IMMP2L: variants seen among roughly 807,000 people sequenced by gnomAD.
IMMP2L encodes the protein inner mitochondrial membrane peptidase subunit 2.
Under a neutral mutation model 19.3 loss-of-function variants are expected in IMMP2L, and 18 were observed. The ratio of observed to expected loss-of-function variants is 0.93; its 90% CI spans 0.64 to 1.38. The LOEUF is 1.38. Among genes scored for constraint, IMMP2L ranks in the 40% most tolerant of loss-of-function variants. The pLI is 0.00. For synonymous variants in IMMP2L, 76 were observed against 73.0 expected (o/e 1.04, Z -0.21); for missense variants, 233 against 218.2 (o/e 1.07, Z -0.43).
At chr7:111,149,491 T>G (rs569127323) in intron 3 of IMMP2L, among the ~76,000 whole-genome samples, 25 of 152,290 alleles carry the variant, frequency 1.6e-4, no homozygotes, top group African/African-American at 5.1e-4. Context: ...ACTGGAAGTC[T>G]TACAGATAAC....
intron 3 of IMMP2L, among the ~76,000 whole-genome samples, chr7:111,042,622 T>C (rs987658239): frequency 3.9e-5 from 6 of 152,202 alleles, no homozygotes; most frequent in East Asian, 1.9e-4. Flanking sequence ...GAAGCAGGGA[T>C]ATAGAGCAGG....
intron 3 of IMMP2L, among the ~76,000 whole-genome samples, chr7:111,203,002 C>T (rs1393868869): frequency 1.3e-5 from 2 of 152,138 alleles, no homozygotes; most frequent in South Asian, 2.1e-4. Context: ...GGGAAGTAAT[C>T]TACCCTCTGT....
chr7:110,892,326 A>T (rs765979629), intron 4 of IMMP2L, among the ~76,000 whole-genome samples: 9 of 152,122 alleles, frequency 5.9e-5, no homozygotes, highest in Non-Finnish European at 1.2e-4. Flanking sequence ...GTCTCAGGCC[A>T]TTGTATGTTC....
intron 1 of IMMP2L, among the ~76,000 whole-genome samples, chr7:111,542,429 C>T (rs1848578359): frequency 6.6e-6 from 1 of 152,028 alleles, no homozygotes; most frequent in South Asian, 2.1e-4. Context: ...TTTTTATCCC[C>T]ATTTTAAAAG....
intron 3 of IMMP2L, among the ~76,000 whole-genome samples, chr7:111,345,002 G>A (rs1048396829): frequency 5.9e-5 from 9 of 151,960 alleles, no homozygotes; most frequent in Non-Finnish European, 1.0e-4. Flanking sequence ...GACTCAACTC[G>A]GGTATAACAG....
chr7:110,891,771 T>C (rs1810824351), intron 4 of IMMP2L, among the ~76,000 whole-genome samples: 1 of 152,050 alleles, frequency 6.6e-6, no homozygotes, highest in Admixed American at 6.6e-5. Context: ...AAAAGCAAAT[T>C]ACCATGAGTT....
At chr7:111,316,023 C>T (rs1006087938) in intron 3 of IMMP2L, among the ~76,000 whole-genome samples, 8 of 152,126 alleles carry the variant, frequency 5.3e-5, no homozygotes, top group Non-Finnish European at 1.0e-4. Flanking sequence ...TAGCTTATGG[C>T]TCCTAGACTA....
chr7:111,330,003 G>T (rs551748171), intron 3 of IMMP2L, among the ~76,000 whole-genome samples: 1 of 151,750 alleles, frequency 6.6e-6, no homozygotes, highest in African/African-American at 2.4e-5. Context: ...CAAAACAGAA[G>T]AAAACCATAA....
At chr7:111,088,769 G>T (rs1348886079) in intron 3 of IMMP2L, among the ~76,000 whole-genome samples, 1 of 152,048 alleles carries the variant, frequency 6.6e-6, no homozygotes, top group African/African-American at 2.4e-5. Context: ...ATTTTTTCAT[G>T]TATCTTTGGA....
At chr7:111,504,501 C>G (rs1180115243) in intron 2 of IMMP2L, among the ~76,000 whole-genome samples, 1 of 151,988 alleles carries the variant, frequency 6.6e-6, no homozygotes, top group Non-Finnish European at 1.5e-5. Flanking sequence ...CAAAAAAGAG[C>G]CTGCATCACC....
chr7:111,063,163 T>C (rs984684821), intron 3 of IMMP2L, among the ~76,000 whole-genome samples: 3 of 152,214 alleles, frequency 2.0e-5, no homozygotes, highest in Non-Finnish European at 4.4e-5. Context: ...CTCTGAAATC[T>C]AAGCAGAGGT....
intron 3 of IMMP2L, among the ~76,000 whole-genome samples, chr7:111,224,879 T>C (rs1812910052): frequency 6.6e-6 from 1 of 152,158 alleles, no homozygotes. Flanking sequence ...GCAAAGTCTG[T>C]TTTATTTAAG....
intron 2 of IMMP2L, among the ~76,000 whole-genome samples, chr7:111,492,125 T>C (rs1843163840): frequency 6.6e-6 from 1 of 151,576 alleles, no homozygotes. Flanking sequence ...CTATAAGCTC[T>C]TTTTTTTTCT....
At chr7:110,892,239 G>A (rs1303976436) in intron 4 of IMMP2L, among the ~76,000 whole-genome samples, 1 of 151,962 alleles carries the variant, frequency 6.6e-6, no homozygotes, top group Non-Finnish European at 1.5e-5. Flanking sequence ...AACTCATATC[G>A]CAGGAAAAAA....
At chr7:110,792,172 G>A (rs1800503859) in intron 5 of IMMP2L, among the ~76,000 whole-genome samples, 1 of 151,642 alleles carries the variant, frequency 6.6e-6, no homozygotes, top group Non-Finnish European at 1.5e-5. Context: ...AGACAGGTTT[G>A]ACACGTGCAC....
At chr7:111,236,936 A>G (rs1814395018) in intron 3 of IMMP2L, among the ~76,000 whole-genome samples, 1 of 152,140 alleles carries the variant, frequency 6.6e-6, no homozygotes, top group Non-Finnish European at 1.5e-5. Context: ...TGTTTCTGGT[A>G]GGAAGGCAAA....
intron 3 of IMMP2L, among the ~76,000 whole-genome samples, chr7:111,020,121 C>A (rs1186653578): frequency 6.7e-6 from 1 of 150,076 alleles, no homozygotes; most frequent in Non-Finnish European, 1.5e-5. Context: ...CGGTGGCTCA[C>A]ACCTGTAATC....
At chr7:111,497,779 G>A (rs1306080387) in intron 2 of IMMP2L, among the ~76,000 whole-genome samples, 1 of 151,726 alleles carries the variant, frequency 6.6e-6, no homozygotes, top group Admixed American at 6.6e-5. Context: ...CTGTTAAGTG[G>A]GCTAACATAG....
chr7:110,981,712 A>C (rs1278188985), intron 3 of IMMP2L, among the ~76,000 whole-genome samples: 1 of 152,138 alleles, frequency 6.6e-6, no homozygotes, highest in South Asian at 2.1e-4. Context: ...CTACCTTTTC[A>C]GCCCACTTAA....
Sources: allele counts gnomAD v4.1 joint callset (sites outside exome capture counted in the v4.1 genomes callset), GRCh38; gene constraint gnomAD v4.1.1; transcripts MANE v1.5; gene names NCBI Gene and HGNC (gene_info 2026-07-23, HGNC 2026-07-21).